SLC35D4: variants seen among roughly 807,000 people sequenced by gnomAD.
SLC35D4 encodes the protein solute carrier family 35 member D4, also known as UDP-N-acetylglucosamine transporter SLC35D4.
chr18:23,424,756 T>A, the SLC35D4 span, among the ~76,000 whole-genome samples: 27 of 152,252 alleles, frequency 1.8e-4, no homozygotes, highest in Non-Finnish European at 3.8e-4. Flanking sequence ...CCTGTAATCC[T>A]GGGAGGATCG....
At chr18:23,250,608 G>A in the SLC35D4 span, among the ~76,000 whole-genome samples, 3 of 152,198 alleles carry the variant, frequency 2.0e-5, no homozygotes, top group Non-Finnish European at 4.4e-5. Context: ...CACTCTGCTG[G>A]ACCTTGGCAG....
At chr18:23,398,569 A>G in the SLC35D4 span, among the ~76,000 whole-genome samples, 1 of 152,196 alleles carries the variant, frequency 6.6e-6, no homozygotes, top group Admixed American at 6.6e-5. Context: ...CACCCAGGAA[A>G]GTTCTTCCCC....
the SLC35D4 span, chr18:23,399,533 A>G: frequency 6.3e-7 from 1 of 1,590,496 alleles, no homozygotes; most frequent in Non-Finnish European, 8.6e-7. Context: ...AAAGGGAGAG[A>G]GGAGTTGTTT....
At chr18:23,311,186 C>T in the SLC35D4 span, among the ~76,000 whole-genome samples, 19 of 151,384 alleles carry the variant, frequency 1.3e-4, no homozygotes, top group African/African-American at 3.4e-4. Context: ...ACTGTAGCCT[C>T]GACCTCCCAG....
the SLC35D4 span, among the ~76,000 whole-genome samples, chr18:23,424,973 A>G: frequency 4.6e-5 from 7 of 152,228 alleles, no homozygotes; most frequent in Non-Finnish European, 1.0e-4. Flanking sequence ...TTAAAAGAAG[A>G]ATGAGGGATG....
the SLC35D4 span, among the ~76,000 whole-genome samples, chr18:23,329,213 A>G: frequency 4.6e-5 from 7 of 152,226 alleles, no homozygotes; most frequent in Admixed American, 2.6e-4. Context: ...AATGGGATCT[A>G]ATTAAACTAA....
the SLC35D4 span, among the ~76,000 whole-genome samples, chr18:23,245,461 C>T: frequency 6.7e-5 from 10 of 150,158 alleles, no homozygotes; most frequent in African/African-American, 2.2e-4. Flanking sequence ...CAGTGAGTGC[C>T]ACTGTACTCC....
chr18:23,255,653 A>G, the SLC35D4 span, among the ~76,000 whole-genome samples: 1 of 149,062 alleles, frequency 6.7e-6, no homozygotes, highest in Non-Finnish European at 1.5e-5. Context: ...TCCACCTCCC[A>G]GACTCAAGCA....
the SLC35D4 span, among the ~76,000 whole-genome samples, chr18:23,343,900 C>CT: frequency 0.12 from 17,181 of 140,856 alleles, 1,108 homozygotes; most frequent in Middle Eastern, 0.2. Flanking sequence ...TGATCTCATT[C>CT]TTTTTTTTTT....
the SLC35D4 span, among the ~76,000 whole-genome samples, chr18:23,420,179 T>C: frequency 2.0e-5 from 3 of 152,056 alleles, no homozygotes; most frequent in Non-Finnish European, 4.4e-5. Context: ...GGCGCATGCC[T>C]GTAATCCCAG....
the SLC35D4 span, chr18:23,368,662 T>C: frequency 8.9e-7 from 1 of 1,118,820 alleles, no homozygotes. Context: ...TATTGGAAAA[T>C]AAAAATCCAT....
the SLC35D4 span, chr18:23,309,653 C>CT: frequency 6.2e-7 from 1 of 1,609,664 alleles, no homozygotes; most frequent in Non-Finnish European, 8.5e-7. Flanking sequence ...CTAATTGGCA[C>CT]TTTATCTCTC....
the SLC35D4 span, among the ~76,000 whole-genome samples, chr18:23,285,923 G>A: frequency 0.025 from 3,781 of 151,996 alleles, 144 homozygotes; most frequent in African/African-American, 0.086. Flanking sequence ...ATCAGACGGC[G>A]TTTAGGCTCT....
At chr18:23,346,159 A>G in the SLC35D4 span, among the ~76,000 whole-genome samples, 1 of 152,160 alleles carries the variant, frequency 6.6e-6, no homozygotes, top group Non-Finnish European at 1.5e-5. Flanking sequence ...TTTAAGAGAC[A>G]AAGTCTTGCT....
At chr18:23,324,086 A>C in the SLC35D4 span, among the ~76,000 whole-genome samples, 3 of 151,092 alleles carry the variant, frequency 2.0e-5, no homozygotes, top group Non-Finnish European at 4.4e-5. Context: ...CTGTCTCAAA[A>C]GAAAAAAAAA....
the SLC35D4 span, among the ~76,000 whole-genome samples, chr18:23,435,647 A>G: frequency 6.6e-6 from 1 of 152,284 alleles, no homozygotes; most frequent in African/African-American, 2.4e-5. Flanking sequence ...CGTTTATCTT[A>G]TAGTTTGCCA....
At chr18:23,304,276 CAA>C in the SLC35D4 span, among the ~76,000 whole-genome samples, 16 of 77,366 alleles carry the variant, frequency 2.1e-4, no homozygotes, top group South Asian at 4.2e-4. Flanking sequence ...GACTCCGTAT[CAA>C]AAAAAAAAAA....
chr18:23,319,735 T>G, the SLC35D4 span, among the ~76,000 whole-genome samples: 1 of 152,272 alleles, frequency 6.6e-6, no homozygotes, highest in East Asian at 1.9e-4. Context: ...CACCGCGCCC[T>G]GCCTATTTCA....
chr18:23,377,723 C>T, the SLC35D4 span: 24 of 1,455,832 alleles, frequency 1.6e-5, no homozygotes, highest in Admixed American at 5.8e-4. Flanking sequence ...TTTTTAAATT[C>T]CTCTTAAAAG....
Sources: allele counts gnomAD v4.1 joint callset (sites outside exome capture counted in the v4.1 genomes callset), GRCh38; gene constraint gnomAD v4.1.1; transcripts MANE v1.5; gene names NCBI Gene and HGNC (gene_info 2026-07-23, HGNC 2026-07-21).